Variants in RANBP2 observed in about 807,000 individuals in gnomAD.
RANBP2 encodes RAN binding protein 2.
RANBP2 carries 57 observed loss-of-function variants against 303.6 expected under a neutral mutation model. The ratio of observed to expected loss-of-function variants is 0.19; its 90% CI spans 0.15 to 0.23. RANBP2 has a LOEUF of 0.23. Among genes scored for constraint, RANBP2 ranks in the 10% least tolerant of loss-of-function variants. RANBP2 has a pLI of 1.00. For missense variants in RANBP2, 3,138 were observed against 3,780.8 expected, an observed-to-expected ratio of 0.83 and a Z score of 4.46; for synonymous variants, 1,167 against 1,301.5, an observed-to-expected ratio of 0.90 and a Z score of 2.23.
At chr2:109,615,928 A>T in the RANBP2 span, 1 of 1,606,852 alleles carries the variant, frequency 6.2e-7, no homozygotes, top group Non-Finnish European at 8.5e-7. Context: ...TTCAGAACCC[A>T]GATCGTCCAC....
chr2:109,213,191 C>T, the RANBP2 span, among the ~76,000 whole-genome samples: 2 of 152,204 alleles, frequency 1.3e-5, no homozygotes, highest in African/African-American at 4.8e-5. Flanking sequence ...TATTCTCTTC[C>T]TTGGCAAGAA....
the RANBP2 span, chr2:109,544,053 T>C: frequency 1.7e-6 from 2 of 1,152,054 alleles, no homozygotes; most frequent in East Asian, 2.6e-5. Context: ...AAGTCAGTGC[T>C]CAAAAAGATT....
chr2:108,736,339 A>G (rs1695583371), intron 6 of RANBP2, 90 bp downstream of exon 6: 2 of 1,605,298 alleles, frequency 1.2e-6, no homozygotes, highest in African/African-American at 2.7e-5. Context: ...TCACTGAATC[A>G]TTATTTGTAT....
the RANBP2 span, among the ~76,000 whole-genome samples, chr2:108,904,532 T>G: frequency 6.6e-6 from 1 of 152,132 alleles, no homozygotes; most frequent in Admixed American, 6.5e-5. Flanking sequence ...AGCACCTTTA[T>G]TCATAATAGC....
In RANBP2 at chr2:108,746,929, A is replaced by C. The variant is rs1304324736; in HGVS notation, c.1063+131A>C. Reference sequence around the variant, plus strand: ...TTATTTCTTTTTGCCGTATCAGTTAAGAGCAATAGGTATGGAAGAGATGTG... The same window carrying C: ...TTATTTCTTTTTGCCGTATCAGTTACGAGCAATAGGTATGGAAGAGATGTG... On this transcript the variant is annotated intron_variant, in intron 8 of 28. Coordinates refer to ENST00000283195, the MANE Select transcript of RANBP2 (RefSeq NM_006267.5). 5 of 1,202,528 alleles carry C rather than the reference A, an allele frequency of 4.2e-6. No homozygotes were observed. In the East Asian group the frequency reaches 1.0e-4, roughly 25 times the overall value. 74.5% of individuals were successfully genotyped at this position (1,202,528 alleles called of 1,614,324 possible).
chr2:108,866,586 T>C, the RANBP2 span, among the ~76,000 whole-genome samples: 3 of 152,266 alleles, frequency 2.0e-5, no homozygotes, highest in South Asian at 2.1e-4. Context: ...TATTGACACA[T>C]TGAAATGATT....
At chr2:109,614,914 C>A in the RANBP2 span, 1 of 1,468,558 alleles carries the variant, frequency 6.8e-7, no homozygotes, top group East Asian at 2.6e-5. Context: ...CCCCCCGCCC[C>A]CGCGCACTGG....
At chr2:108,788,050 T>C (rs775600984), downstream of RANBP2, 5 of 1,581,404 alleles carry the variant, frequency 3.2e-6, no homozygotes, top group African/African-American at 1.4e-5. Flanking sequence ...TTCAAATTTT[T>C]ATCAGTCTAA....
the RANBP2 span, among the ~76,000 whole-genome samples, chr2:109,170,872 G>A: frequency 4.6e-5 from 7 of 152,140 alleles, no homozygotes; most frequent in African/African-American, 1.2e-4. Context: ...GCTACCTTGC[G>A]TCACCTTCCT....
chr2:109,644,746 C>T, the RANBP2 span, among the ~76,000 whole-genome samples: 1,147 of 152,258 alleles, frequency 7.5e-3, 21 homozygotes, highest in African/African-American at 0.026. Flanking sequence ...TGTCAGCCTG[C>T]GGCCTGCCCT....
At chr2:109,667,181 A>C in the RANBP2 span, 1 of 1,327,366 alleles carries the variant, frequency 7.5e-7, no homozygotes. Context: ...ACATTCCAAA[A>C]GCCTTGCAGA....
At chr2:109,189,375 T>TC in the RANBP2 span, among the ~76,000 whole-genome samples, 1 of 151,058 alleles carries the variant, frequency 6.6e-6, no homozygotes. Context: ...GACTTTTTTT[T>TC]TTTTTTCTTT....
At chr2:109,650,375 G>A in the RANBP2 span, among the ~76,000 whole-genome samples, 1 of 152,204 alleles carries the variant, frequency 6.6e-6, no homozygotes. Context: ...GAAGCCAGGT[G>A]TCCAAAAGCC....
At chr2:109,375,956 C>T in the RANBP2 span, among the ~76,000 whole-genome samples, 1 of 152,244 alleles carries the variant, frequency 6.6e-6, no homozygotes, top group South Asian at 2.1e-4. Context: ...GGCCTGTGGT[C>T]ACCCCCTTTA....
the RANBP2 span, among the ~76,000 whole-genome samples, chr2:109,018,369 C>T: frequency 6.6e-6 from 1 of 152,222 alleles, no homozygotes; most frequent in African/African-American, 2.4e-5. Flanking sequence ...CAGCCGCTGT[C>T]TGCTAGCCAG....
chr2:109,231,899 C>T, the RANBP2 span, among the ~76,000 whole-genome samples: 2 of 152,266 alleles, frequency 1.3e-5, no homozygotes, highest in Admixed American at 1.3e-4. Context: ...GTAATTTGCC[C>T]TTTTAAAGTG....
the RANBP2 span, among the ~76,000 whole-genome samples, chr2:109,468,966 C>T: frequency 5.0e-4 from 76 of 150,700 alleles, no homozygotes; most frequent in African/African-American, 1.6e-3. Flanking sequence ...GGTGGTCTCC[C>T]GGGGGCTACT....
chr2:109,562,399 T>A, the RANBP2 span, among the ~76,000 whole-genome samples: 1 of 150,178 alleles, frequency 6.7e-6, no homozygotes, highest in Non-Finnish European at 1.5e-5. Flanking sequence ...CTTCTTCACA[T>A]AGGGGTCCTC....
At chr2:108,960,613 T>C in the RANBP2 span, among the ~76,000 whole-genome samples, 1 of 152,212 alleles carries the variant, frequency 6.6e-6, no homozygotes, top group Admixed American at 6.5e-5. Context: ...TTTTTTTTCA[T>C]ATTTTCCTGA....
Sources: allele counts gnomAD v4.1 joint callset (sites outside exome capture counted in the v4.1 genomes callset), GRCh38; gene constraint gnomAD v4.1.1; transcripts MANE v1.5; gene names NCBI Gene and HGNC (gene_info 2026-07-23, HGNC 2026-07-21).